The following MAP4K3 variants were observed in gnomAD, a reference collection of about 807,000 sequenced individuals.
The protein encoded by MAP4K3 is mitogen-activated protein kinase kinase kinase kinase 3, also known as MAPK/ERK kinase kinase kinase 3.
MAP4K3 carries 94 observed loss-of-function variants against 143.5 expected under a neutral mutation model. The observed-to-expected ratio is 0.65, with a 90% CI of 0.55 to 0.78. The LOEUF is 0.78. Ranked by LOEUF, MAP4K3 falls within the 30% of genes least tolerant of loss-of-function variation. The pLI is 0.00. For synonymous variants in MAP4K3, 416 were observed against 347.2 expected (o/e 1.20, Z -2.20); for missense variants, 1,077 against 1,068.1 (o/e 1.01, Z -0.12).
At chr2:39,421,969 T>C (rs7605939) in intron 1 of MAP4K3, among the ~76,000 whole-genome samples, 118,529 of 151,426 alleles carry the variant, frequency 0.78, 51,660 homozygotes, top group Non-Finnish European at 0.95. Context: ...GGGAATTACA[T>C]AATACTTAAT....
chr2:39,429,738 A>G (rs1391141099), intron 1 of MAP4K3, among the ~76,000 whole-genome samples: 1 of 152,214 alleles, frequency 6.6e-6, no homozygotes, highest in Non-Finnish European at 1.5e-5. Context: ...ATGGAAAAGC[A>G]AAGGACCTAG....
intron 1 of MAP4K3, among the ~76,000 whole-genome samples, chr2:39,399,617 T>C (rs1013430032): frequency 1.3e-5 from 2 of 152,210 alleles, no homozygotes; most frequent in African/African-American, 2.4e-5. Flanking sequence ...AGTAGTTAAA[T>C]GCAAGGATTT....
chr2:39,427,183 A>T (rs1473677918), intron 1 of MAP4K3, among the ~76,000 whole-genome samples: 1 of 152,086 alleles, frequency 6.6e-6, no homozygotes, highest in African/African-American at 2.4e-5. Context: ...CAAAGTGCTG[A>T]GAAAAAAACA....
chr2:39,331,454 C>T (rs952600535), intron 8 of MAP4K3, among the ~76,000 whole-genome samples: 1 of 152,026 alleles, frequency 6.6e-6, no homozygotes, highest in Admixed American at 6.6e-5. Flanking sequence ...GAGGCCAGAT[C>T]ACAGAAGACT....
chr2:39,417,468 T>A (rs1667416946), intron 1 of MAP4K3, among the ~76,000 whole-genome samples: 1 of 152,046 alleles, frequency 6.6e-6, no homozygotes. Flanking sequence ...ATCCACCCCC[T>A]CCGTCTCCCA....
chr2:39,315,443 G>A, intron 12 of MAP4K3, 55 bp from the exon 13 acceptor site: 1 of 1,246,252 alleles, frequency 8.0e-7, no homozygotes, highest in Non-Finnish European at 1.2e-6. Context: ...GTCATAGTTT[G>A]GTCCACAAAA....
At chr2:39,424,360 G>A (rs1010546695) in intron 1 of MAP4K3, among the ~76,000 whole-genome samples, 1 of 152,128 alleles carries the variant, frequency 6.6e-6, no homozygotes, top group Non-Finnish European at 1.5e-5. Flanking sequence ...GGAGGGGATG[G>A]AGGAAGGAAG....
At chr2:39,268,057 A>C (rs1680838991) in intron 26 of MAP4K3, among the ~76,000 whole-genome samples, 2 of 152,172 alleles carry the variant, frequency 1.3e-5, no homozygotes, top group Admixed American at 1.3e-4. Context: ...AAAATTTGTG[A>C]AGAATTTCTT....
At chr2:39,357,006 T>C (rs948563675) in intron 2 of MAP4K3, among the ~76,000 whole-genome samples, 6 of 152,220 alleles carry the variant, frequency 3.9e-5, no homozygotes, top group Non-Finnish European at 2.9e-5. Context: ...ATGGCCCACA[T>C]TCACAGGCTT....
chr2:39,300,115 T>A (rs184531771), intron 15 of MAP4K3, among the ~76,000 whole-genome samples: 13 of 152,286 alleles, frequency 8.5e-5, no homozygotes, highest in Admixed American at 8.5e-4. Context: ...GTGTTTATTC[T>A]CCAGTTATAA....
At position 39,386,449 on chromosome 2, in the gene MAP4K3, C is replaced by G. The variant is rs889235889; in HGVS notation, c.97-8326G>C. Among the ~76,000 whole-genome samples, 4 of 152,248 alleles carry G rather than the reference C, an allele frequency of 2.6e-5. No individual in the cohort carries two copies. In the East Asian group the frequency reaches 7.7e-4, roughly 29 times the overall value. On this transcript the variant is annotated intron_variant, in intron 1 of 33. Coordinates refer to ENST00000263881, the MANE Select transcript of MAP4K3 (RefSeq NM_003618.4). ...TCAATAGTTTCTTTTATGAATTGTG[C>G]TTTTGGTATCACATCCAAGATCTTT...
chr2:39,307,443 G>T (rs1321864777), intron 15 of MAP4K3, among the ~76,000 whole-genome samples: 2 of 151,800 alleles, frequency 1.3e-5, no homozygotes, highest in Non-Finnish European at 2.9e-5. Flanking sequence ...TGATTTCATT[G>T]TTAATGTAGG....
chr2:39,389,317 C>T (rs1265264768), intron 1 of MAP4K3, among the ~76,000 whole-genome samples: 1 of 151,948 alleles, frequency 6.6e-6, no homozygotes, highest in Non-Finnish European at 1.5e-5. Context: ...TTAAGAGACA[C>T]AAAGAATAGA....
intron 3 of MAP4K3, among the ~76,000 whole-genome samples, chr2:39,347,348 T>C (rs1342106926): frequency 3.9e-5 from 6 of 152,174 alleles, no homozygotes; most frequent in Non-Finnish European, 8.8e-5. Flanking sequence ...GAACCATAGC[T>C]CTAAAATATC....
intron 24 of MAP4K3, among the ~76,000 whole-genome samples, chr2:39,278,024 A>G (rs181731880): frequency 1.1e-3 from 165 of 148,104 alleles, no homozygotes; most frequent in Non-Finnish European, 1.9e-3. Context: ...GCTCATGTCT[A>G]TAATCCCAGC....
At chr2:39,270,633 T>A (rs912000875) in intron 26 of MAP4K3, among the ~76,000 whole-genome samples, 3 of 152,196 alleles carry the variant, frequency 2.0e-5, no homozygotes, top group Admixed American at 2.0e-4. Context: ...GTCCCATACC[T>A]AGTAAGTAAA....
In MAP4K3 at chr2:39,280,320, G is replaced by C. The variant is rs1018754530; in HGVS notation, c.1666C>G (p.Pro556Ala). The part of the protein sequence containing the change: ...ACFSKVFNGC[P>A]LKIHCASSWI... ...GATGATGCACAGTGAATTTTCAAGG[G>C]ACACCCATTAAAAACTTTTGAAAAA... The change falls in exon 23 of 34, where the codon CCC becomes GCC. Residue 556 changes from proline (P) to alanine (A), a missense_variant. Pro to Ala is a conservative substitution (Grantham distance 27). Around this residue, in one of 2 missense-constraint regions of MAP4K3, gnomAD observed 864 missense variants for 801.2 expected, o/e 1.08. Coordinates refer to ENST00000263881, the MANE Select transcript of MAP4K3 (RefSeq NM_003618.4). The C allele has an allele frequency of 6.2e-7, 1 of 1,604,178 alleles. No individual in the cohort carries two copies. Among genetic ancestry groups the C allele is most frequent in the African/African-American group, 1.3e-5 (1 of 74,866 alleles).
chr2:39,291,089 C>T (rs1682025839), intron 18 of MAP4K3, among the ~76,000 whole-genome samples: 1 of 151,880 alleles, frequency 6.6e-6, no homozygotes, highest in Non-Finnish European at 1.5e-5. Context: ...AACAAAAAAC[C>T]AATAATGTGT....
At chr2:39,364,692 AC>A (rs1419720276) in intron 2 of MAP4K3, among the ~76,000 whole-genome samples, 5 of 152,174 alleles carry the variant, frequency 3.3e-5, no homozygotes, top group Non-Finnish European at 4.4e-5. Context: ...ACATGGTGAA[AC>A]CCCATCTTTA....
Sources: gnomAD v4.1 joint callset for allele counts (sites outside exome capture counted in the v4.1 genomes callset) on GRCh38, gnomAD v4.1.1 for gene constraint, gnomAD v4.1.1 regional missense constraint, MANE v1.5 for transcripts, NCBI Gene and HGNC (gene_info 2026-07-23, HGNC 2026-07-21) for gene names.